Variants in ZBED2 observed in about 807,000 individuals in gnomAD.
ZBED2 encodes the protein zinc finger BED domain-containing protein 2.
For missense variants in ZBED2, 285 were observed against 281.0 expected (o/e 1.01, Z -0.10); for synonymous variants, 97 against 98.8 (o/e 0.98, Z 0.11).
At position 111,594,916 on chromosome 3, in the gene ZBED2, T is replaced by C; in HGVS notation, c.-715A>G. Reference sequence around the variant, plus strand: ...AGAGGTGTCTCTCAGAGGCCAGGAGTCTAAGAAATCCAAAAAGCAAGCTCA... The same window carrying C: ...AGAGGTGTCTCTCAGAGGCCAGGAGCCTAAGAAATCCAAAAAGCAAGCTCA... On this transcript the variant is annotated 5_prime_UTR_variant, in exon 2 of 2. Transcript: ENST00000317012. 1 of 166,830 alleles carries C rather than the reference T, an allele frequency of 6.0e-6. No individual in the cohort carries two copies. The highest frequency in any genetic ancestry group is 1.5e-5 in the Non-Finnish European group (1 of 68,144). The allele number at this position is 166,830 out of a possible 1,614,324, so 10.3% of individuals were successfully genotyped here.
rs753593482 is a variant in ZBED2 at position 111,594,444 on chromosome 3, ATACT to A, written c.-247_-244del. 4.4e-6 allele frequency: 2 copies of A among 452,620 alleles called. No individual in the cohort carries two copies. Among genetic ancestry groups the A allele is most frequent in the Non-Finnish European group, 8.1e-6 (2 of 246,928 alleles). The allele number at this position is 452,620 out of a possible 1,614,324, so 28.0% of individuals were successfully genotyped here. A position where few individuals can be genotyped will look rare whatever the true frequency, so the allele number is the denominator to read the frequency against. On this transcript the variant is annotated 5_prime_UTR_variant, in exon 2 of 2. Transcript: ENST00000317012. ...AGAGTGCATTCCTTCCATGCCCCAG[ATACT>A]TACTTATCCTCCCTTGACTAGGCCA...
chr3:111,594,329 A>G lies in ZBED2; in HGVS notation c.-128T>C, dbSNP rs1411952827. On this transcript the variant is annotated 5_prime_UTR_variant, in exon 2 of 2. Transcript: ENST00000317012. ...TCTTGGGGATTCACAATAATGGCCA[A>G]AGTCTGGCCACACCTGGGTGGTGTG... 2.6e-6 allele frequency: 3 copies of G among 1,163,892 alleles called. No homozygotes were observed. Among genetic ancestry groups the G allele is most frequent in the African/African-American group, 1.5e-5 (1 of 64,768 alleles). 72.1% of individuals were successfully genotyped at this position (1,163,892 alleles called of 1,614,324 possible).
chr3:111,592,902 C>T lies in ZBED2; in HGVS notation c.*643G>A, dbSNP rs569944412. ...AAAGACACACCGGACTCAGATTATACTGATGAAACAACTTTAATATAAGCA... is the reference window on the plus strand; with the variant it reads ...AAAGACACACCGGACTCAGATTATATTGATGAAACAACTTTAATATAAGCA... On this transcript the variant is annotated 3_prime_UTR_variant, in exon 2 of 2. Transcript: ENST00000317012. 1 of 152,286 alleles carries T rather than the reference C, an allele frequency of 6.6e-6. No homozygotes were observed. The highest frequency in any genetic ancestry group is 1.9e-4 in the East Asian group (1 of 5,186). The allele number at this position is 152,286 out of a possible 1,614,324, so 9.4% of individuals were successfully genotyped here.
Position 111,593,853 on chromosome 3 carries a change from G to A in ZBED2, c.349C>T (p.Gln117Ter). 6.2e-7 allele frequency: 1 copy of A among 1,613,940 alleles called. No homozygotes were observed. The highest frequency in any genetic ancestry group is 8.5e-7 in the Non-Finnish European group (1 of 1,180,032). Residue 117 changes from glutamine to a stop codon, truncating the protein, a stop_gained, in exon 2 of 2, where the codon CAG becomes TAG. Coordinates refer to ENST00000317012, the MANE Select transcript of ZBED2 (RefSeq NM_024508.5). LOFTEE classifies it low-confidence loss of function (END_TRUNC). ...CTTGGATCCTGGCGCTGCCCAGCCT[G>A]ACCATGGCCACTCTTCTCCAGCTCC... ...REELEKSGHG[Q>*]AGQRQDPRPH...
In ZBED2 at chr3:111,593,737, T is replaced by G; in HGVS notation, c.465A>C (p.Gln155His). The change falls in exon 2 of 2, where the codon CAA becomes CAC. Residue 155 changes from glutamine (Q) to histidine (H), a missense_variant. Coordinates refer to ENST00000317012, the MANE Select transcript of ZBED2 (RefSeq NM_024508.5). ...QVGTMALWASQREKEVLRRER... is the reference protein window; with the variant it reads ...QVGTMALWASHREKEVLRRER... The stretch of plus-strand genomic sequence containing the variant: ...CCCTCCTAAGCACCTCCTTTTCCCT[T>G]TGGCTGGCCCACAAAGCCATGGTGC... The G allele has an allele frequency of 6.2e-7, 1 of 1,614,242 alleles. No homozygotes were observed. Among genetic ancestry groups the G allele is most frequent in the Non-Finnish European group, 8.5e-7 (1 of 1,180,036 alleles).
At position 111,593,285 on chromosome 3, in the gene ZBED2, A is replaced by T. The variant is rs1937080557; in HGVS notation, c.*260T>A. 2.8e-6 allele frequency: 1 copy of T among 358,588 alleles called. No individual in the cohort carries two copies. 22.2% of individuals were successfully genotyped at this position (358,588 alleles called of 1,614,324 possible). ...TACATTCTGCCCTGAAACAACTCAC[A>T]GAGTTTTACTTTGGTAGAAGCATTT... On this transcript the variant is annotated 3_prime_UTR_variant, in exon 2 of 2. Transcript: ENST00000317012.
rs1937105588 is a variant in ZBED2, at chr3:111,593,683, AGCCCTCTCCCGCCATTCCACT to A, written c.498_518del (p.Trp169_Glu175del). 1.2e-6 allele frequency: 2 copies of A among 1,611,600 alleles called. No homozygotes were observed. Among genetic ancestry groups the A allele is most frequent in the Middle Eastern group, 1.6e-4 (1 of 6,064 alleles). On this transcript the variant is annotated inframe_deletion, in exon 2 of 2. Coordinates refer to ENST00000317012, the MANE Select transcript of ZBED2 (RefSeq NM_024508.5). ...CCAGGGCTCGCTCCCTTTTTTCCAC[AGCCCTCTCCCGCCATTCCACT>A]GCCCTTTCCCTCCTAAGCACCTCCT... is the stretch of plus-strand genomic sequence containing the variant.
At position 111,594,219 on chromosome 3, in the gene ZBED2, GTTCT is replaced by G; in HGVS notation, c.-22_-19del. ...CTCATCATGTCACCTCTTCTACAGC[GTTCT>G]TTATGATGTGCTTAGATGTGAGCCA... On this transcript the variant is annotated 5_prime_UTR_variant, in exon 2 of 2. Transcript: ENST00000317012. The G allele has an allele frequency of 6.4e-7, 1 of 1,568,288 alleles. No homozygotes were observed. The highest frequency in any genetic ancestry group is 8.6e-7 in the Non-Finnish European group (1 of 1,157,026).
chr3:111,593,403 A>T lies in ZBED2; in HGVS notation c.*142T>A. 9.6e-7 allele frequency: 1 copy of T among 1,044,950 alleles called. No individual in the cohort carries two copies. Among genetic ancestry groups the T allele is most frequent in the Non-Finnish European group, 1.3e-6 (1 of 761,416 alleles). The allele number at this position is 1,044,950 out of a possible 1,614,324, so 64.7% of individuals were successfully genotyped here. Reference sequence around the variant, plus strand: ...GCATTTGGTCAATTCAGACCTGCTCAGATTAACTCATACTGTGCACTATTT... The same window carrying T: ...GCATTTGGTCAATTCAGACCTGCTCTGATTAACTCATACTGTGCACTATTT... On this transcript the variant is annotated 3_prime_UTR_variant, in exon 2 of 2. Coordinates refer to ENST00000317012, the MANE Select transcript of ZBED2 (RefSeq NM_024508.5).
chr3:111,594,216 A>G lies in ZBED2; in HGVS notation c.-15T>C. The G allele has an allele frequency of 6.4e-7, 1 of 1,572,136 alleles. No individual in the cohort carries two copies. The highest frequency in any genetic ancestry group is 8.6e-7 in the Non-Finnish European group (1 of 1,158,864). ...CGCCTCATCATGTCACCTCTTCTAC[A>G]GCGTTCTTTATGATGTGCTTAGATG... is the stretch of plus-strand genomic sequence containing the variant. On this transcript the variant is annotated 5_prime_UTR_variant, in exon 2 of 2. Transcript: ENST00000317012.
At position 111,594,054 on chromosome 3, in the gene ZBED2, T is replaced by A; in HGVS notation, c.148A>T (p.Lys50Ter). The change falls in exon 2 of 2, where the codon AAG (lysine) becomes TAG (stop). Residue 50 changes from lysine (K) to a stop codon, truncating the protein, a stop_gained. Coordinates refer to ENST00000317012, the MANE Select transcript of ZBED2 (RefSeq NM_024508.5). LOFTEE classifies it low-confidence loss of function (END_TRUNC). ...SAMPTPMPHN[K>*]GTRFSEAWEY... ...CATGCCTCAGAGAACCGGGTGCCCT[T>A]GTTGTGGGGCATTGGAGTGGGCATA... The A allele has an allele frequency of 6.2e-7, 1 of 1,614,124 alleles. No individual in the cohort carries two copies. The highest frequency in any genetic ancestry group is 8.5e-7 in the Non-Finnish European group (1 of 1,180,030).
rs576669078 is a variant in ZBED2, at chr3:111,594,264, C to A, written c.-63G>T. The A allele has an allele frequency of 5.3e-6, 8 of 1,499,840 alleles. No homozygotes were observed. In the South Asian group the frequency reaches 1.1e-4, roughly 20 times the overall value. The allele number at this position is 1,499,840 out of a possible 1,614,324, so 92.9% of individuals were successfully genotyped here. On this transcript the variant is annotated 5_prime_UTR_variant, in exon 2 of 2. Coordinates refer to ENST00000317012, the MANE Select transcript of ZBED2 (RefSeq NM_024508.5). ...ATGTGAGCCAAAAGCTTATTTGAAC[C>A]ACAAGATTAAATATATATTTGGGAA...
chr3:111,593,677 T>C lies in ZBED2; in HGVS notation c.525A>G (p.Glu175=). The part of the protein sequence containing the change: ...RAVEWRERAV[E]KRERALEEVE... Reference sequence around the variant, plus strand: ...CCTCCTCCAGGGCTCGCTCCCTTTTTTCCACAGCCCTCTCCCGCCATTCCA... The same window carrying C: ...CCTCCTCCAGGGCTCGCTCCCTTTTCTCCACAGCCCTCTCCCGCCATTCCA... Residue 175 remains glutamate (E), a synonymous_variant, in exon 2 of 2, where the codon GAA becomes GAG. Transcript: ENST00000317012. 3.1e-6 allele frequency: 5 copies of C among 1,612,274 alleles called. No individual in the cohort carries two copies. The highest frequency in any genetic ancestry group is 4.2e-6 in the Non-Finnish European group (5 of 1,178,756).
In ZBED2 at chr3:111,594,262, A is replaced by G. The variant is rs145089582; in HGVS notation, c.-61T>C. 8 of 1,501,186 alleles carry G rather than the reference A, an allele frequency of 5.3e-6. No homozygotes were observed. The Admixed American group carries it at 6.7e-5, about 13-fold the overall frequency. The allele number at this position is 1,501,186 out of a possible 1,614,324, so 93.0% of individuals were successfully genotyped here. On this transcript the variant is annotated 5_prime_UTR_variant, in exon 2 of 2. Coordinates refer to ENST00000317012, the MANE Select transcript of ZBED2 (RefSeq NM_024508.5). ...AGATGTGAGCCAAAAGCTTATTTGA[A>G]CCACAAGATTAAATATATATTTGGG...
Position 111,593,730 on chromosome 3 carries a change from T to G in ZBED2, c.472A>C (p.Lys158Gln). 6.2e-7 allele frequency: 1 copy of G among 1,614,180 alleles called. No homozygotes were observed. Among genetic ancestry groups the G allele is most frequent in the Non-Finnish European group, 8.5e-7 (1 of 1,180,024 alleles). Residue 158 changes from lysine to glutamine, a missense_variant, in exon 2 of 2, where the codon AAG becomes CAG. By Grantham distance (53) the Lys-to-Gln change is moderately conservative. Transcript: ENST00000317012. ...TMALWASQREKEVLRRERAVE... is the reference protein window; with the variant it reads ...TMALWASQREQEVLRRERAVE... ...GCCCTTTCCCTCCTAAGCACCTCCT[T>G]TTCCCTTTGGCTGGCCCACAAAGCC...
chr3:111,593,686 C>T lies in ZBED2; in HGVS notation c.516G>A (p.Arg172=), dbSNP rs771083137. ...RRERAVEWRE[R]AVEKRERALE... ...GGGCTCGCTCCCTTTTTTCCACAGCCCTCTCCCGCCATTCCACTGCCCTTT... is the reference window on the plus strand; with the variant it reads ...GGGCTCGCTCCCTTTTTTCCACAGCTCTCTCCCGCCATTCCACTGCCCTTT... Residue 172 remains arginine, a synonymous_variant, in exon 2 of 2, where the codon AGG becomes AGA. Transcript: ENST00000317012. 1.9e-6 allele frequency: 3 copies of T among 1,612,974 alleles called. No homozygotes were observed. Among genetic ancestry groups the T allele is most frequent in the South Asian group, 2.2e-5 (2 of 90,944 alleles).
At position 111,594,141 on chromosome 3, in the gene ZBED2, C is replaced by T. The variant is rs1937140761; in HGVS notation, c.61G>A (p.Glu21Lys). 1 of 1,613,232 alleles carries T rather than the reference C, an allele frequency of 6.2e-7. No homozygotes were observed. Among genetic ancestry groups the T allele is most frequent in the Non-Finnish European group, 8.5e-7 (1 of 1,179,674 alleles). Residue 21 changes from glutamate (E) to lysine (K), a missense_variant, in exon 2 of 2, where the codon GAG becomes AAG. Physicochemically the swap from Glu to Lys is moderately conservative, Grantham distance 56. Coordinates refer to ENST00000317012, the MANE Select transcript of ZBED2 (RefSeq NM_024508.5). ...CTAATCTCTTCCTCCTCCTTCATCT[C>T]TAAGTCCCCTTTTGCCTTCATCATT... Reference protein sequence around the residue: ...GTMMKAKGDLEMKEEEEISET... With the variant: ...GTMMKAKGDLKMKEEEEISET...
At position 111,593,821 on chromosome 3, in the gene ZBED2, G is replaced by A. The variant is rs143138825; in HGVS notation, c.381C>T (p.His127=). ...CAATGCCTGTGGGGAGCTGGGGCCC[G>A]TGGGGCCTTGGATCCTGGCGCTGCC... ...QAGQRQDPRP[H]GPQLPTGIEG... Residue 127 remains histidine (H), a synonymous_variant, in exon 2 of 2, where the codon CAC becomes CAT. Coordinates refer to ENST00000317012, the MANE Select transcript of ZBED2 (RefSeq NM_024508.5). 173 of 1,613,984 alleles carry A rather than the reference G, an allele frequency of 1.1e-4. No homozygotes were observed. The highest frequency in any genetic ancestry group is 1.3e-4 in the African/African-American group (10 of 74,926).
In ZBED2 at chr3:111,593,778, G is replaced by C. The variant is rs1937112537; in HGVS notation, c.424C>G (p.Leu142Val). Reference sequence around the variant, plus strand: ...GCCATGGTGCCCACCTGCTCCAGGAGCCTACCCCAGTTACCCTCAATGCCT... The same window carrying C: ...GCCATGGTGCCCACCTGCTCCAGGACCCTACCCCAGTTACCCTCAATGCCT... ...PTGIEGNWGR[L>V]LEQVGTMALW... Residue 142 changes from leucine (L) to valine (V), a missense_variant, in exon 2 of 2, where the codon CTC becomes GTC. Transcript: ENST00000317012. The C allele has an allele frequency of 6.2e-7, 1 of 1,614,072 alleles. No individual in the cohort carries two copies. Among genetic ancestry groups the C allele is most frequent in the Admixed American group, 1.7e-5 (1 of 60,000 alleles).
Sources: allele counts gnomAD v4.1 joint callset, GRCh38; gene constraint gnomAD v4.1.1; transcripts MANE v1.5; gene names NCBI Gene and HGNC (gene_info 2026-07-23, HGNC 2026-07-21).